Variants in SEC16A observed in about 807,000 individuals in gnomAD.
The protein encoded by SEC16A is SEC16 homolog A, endoplasmic reticulum export factor, also known as protein transport protein Sec16A.
In SEC16A, 110 loss-of-function variants were observed where a neutral mutation model predicts 221.9. The observed-to-expected ratio is 0.50, with a 90% CI of 0.42 to 0.58. The LOEUF is 0.58. Ranked by LOEUF, SEC16A falls within the 20% of genes least tolerant of loss-of-function variation. The pLI is 0.00. For synonymous variants in SEC16A, 1,393 were observed against 1,257.7 expected, an observed-to-expected ratio of 1.11 and a Z score of -2.28; for missense variants, 3,165 against 3,097.8, an observed-to-expected ratio of 1.02 and a Z score of -0.52.
At position 136,466,307 on chromosome 9, in the gene SEC16A, CTG is replaced by C; in HGVS notation, c.4083_4084del (p.His1361GlnfsTer82). On this transcript the variant is annotated frameshift_variant, in exon 7 of 32. Transcript: ENST00000684901. LOFTEE classifies it high-confidence loss of function. This position sits in a 1 kb window ranked among gnomAD's most constrained non-coding sequence, Gnocchi z 5.5. ...GAGGCTGCTGCGGCGGCTGGCCAGG[CTG>C]TGTGCGCTGTGCAGGCTCCGTGCCG... 6.4e-7 allele frequency: 1 copy of C among 1,568,850 alleles called. No individual in the cohort carries two copies. Among genetic ancestry groups the C allele is most frequent in the Non-Finnish European group, 8.6e-7 (1 of 1,157,630 alleles).
In SEC16A at chr9:136,474,511, A is replaced by T. The variant is rs919074042; in HGVS notation, c.3105T>A (p.Pro1035=). 2.5e-6 allele frequency: 4 copies of T among 1,612,818 alleles called. No individual in the cohort carries two copies. In the African/African-American group the frequency reaches 5.3e-5, roughly 22 times the overall value. Residue 1035 remains proline (P), a synonymous_variant, in exon 3 of 32, where the codon CCT becomes CCA. Coordinates refer to ENST00000684901, the MANE Select transcript of SEC16A (RefSeq NM_014866.2). The stretch of plus-strand genomic sequence containing the variant: ...CCTGCTGATAAAAACGGTCAAGGTT[A>T]GGCGCCCCAGGCCCAGATTGTCTGG... ...SHPRQSGPGA[P]NLDRFYQQVT...
chr9:136,477,140 G>A lies in SEC16A; in HGVS notation c.476C>T (p.Pro159Leu). 2 of 1,613,880 alleles carry A rather than the reference G, an allele frequency of 1.2e-6. No individual in the cohort carries two copies. The highest frequency in any genetic ancestry group is 1.7e-6 in the Non-Finnish European group (2 of 1,179,886). ...EPEVQTLPYL[P>L]HYIPGVDPET... ...AGGATCCACTCCTGGAATGTAGTGA[G>A]GAAGATATGGCAGAGTCTGAACTTC... is the stretch of plus-strand genomic sequence containing the variant. Residue 159 changes from proline to leucine, a missense_variant, in exon 3 of 32, where the codon CCT becomes CTT. Pro to Leu is a moderately conservative substitution (Grantham distance 98). Around this residue, in one of 3 missense-constraint regions of SEC16A, gnomAD observed 2,030 missense variants for 1,923.1 expected, o/e 1.06. Coordinates refer to ENST00000684901, the MANE Select transcript of SEC16A (RefSeq NM_014866.2).
chr9:136,481,049 T>C (rs1488356259), intron 1 of SEC16A, among the ~76,000 whole-genome samples: 1 of 152,208 alleles, frequency 6.6e-6, no homozygotes, highest in Non-Finnish European at 1.5e-5. Flanking sequence ...AACTGATTTT[T>C]TTGATCTTTT....
chr9:136,467,120 G>C, intron 5 of SEC16A, 37 bp from the exon 6 acceptor site: 1 of 1,609,978 alleles, frequency 6.2e-7, no homozygotes, highest in Non-Finnish European at 8.5e-7. Context: ...ACAGTAACAT[G>C]CAAAAGAAGA....
intron 20 of SEC16A, among the ~76,000 whole-genome samples, chr9:136,454,568 C>T (rs1838337921): frequency 6.6e-6 from 1 of 152,190 alleles, no homozygotes; most frequent in Non-Finnish European, 1.5e-5. Context: ...GTCACAGCGG[C>T]ACGCGGGCTC....
At position 136,460,234 on chromosome 9, in the gene SEC16A, G is replaced by A; in HGVS notation, c.4992-111C>T. 5 of 775,724 alleles carry A rather than the reference G, an allele frequency of 6.4e-6. No homozygotes were observed. The South Asian group carries it at 6.5e-5, about 10-fold the overall frequency. 48.1% of individuals were successfully genotyped at this position (775,724 alleles called of 1,614,324 possible). ...TCCCAGCACTTTGGGAGGCCAAAGTGGGCGGATCACCTGAGGTCAGAAGTT... is the reference window on the plus strand; with the variant it reads ...TCCCAGCACTTTGGGAGGCCAAAGTAGGCGGATCACCTGAGGTCAGAAGTT... On this transcript the variant is annotated intron_variant, in intron 13 of 31. Transcript: ENST00000684901.
chr9:136,444,528 C>A (rs1254564700), intron 30 of SEC16A, among the ~76,000 whole-genome samples: 1 of 152,156 alleles, frequency 6.6e-6, no homozygotes, highest in Non-Finnish European at 1.5e-5. Flanking sequence ...ATGACAGAAC[C>A]CACTCATTGA....
At chr9:136,449,477 T>C (rs563588294) in intron 23 of SEC16A, among the ~76,000 whole-genome samples, 1 of 152,348 alleles carries the variant, frequency 6.6e-6, no homozygotes, top group Non-Finnish European at 1.5e-5. Context: ...CGTGAACTCC[T>C]GACCTCATGA....
In SEC16A at chr9:136,462,910, G is replaced by A; in HGVS notation, c.4870C>T (p.Leu1624=). Residue 1624 remains leucine, a synonymous_variant, in exon 12 of 32, where the codon CTG becomes TTG. Coordinates refer to ENST00000684901, the MANE Select transcript of SEC16A (RefSeq NM_014866.2). ...ACCTTCTTACGGCCATACAGCAACA[G>A]CTCCCTGAACCTCTCGGTCTCTCTC... The part of the protein sequence containing the change: ...LERETERFRE[L]LLYGRKKDAL... The A allele has an allele frequency of 6.2e-7, 1 of 1,602,092 alleles. No individual in the cohort carries two copies. The highest frequency in any genetic ancestry group is 1.1e-5 in the South Asian group (1 of 91,084).
upstream of SEC16A, chr9:136,484,164 G>A (rs1842736576): frequency 1.1e-5 from 2 of 186,992 alleles, no homozygotes; most frequent in South Asian, 1.4e-4. Context: ...CCGGGGAGGT[G>A]CGGCCTACTC....
rs747435143 is a variant in SEC16A, at chr9:136,474,315, C to T, written c.3301G>A (p.Ala1101Thr). ...CCCGCGTCGACCAGAACCAGACTTG[C>T]TGGTGACTGTGCTGAGTTCTGGGCC... ...GQAQNSAQSP[A>T]SLVLVDAGQQ... Residue 1101 changes from alanine (A) to threonine (T), a missense_variant, in exon 3 of 32, where the codon GCA becomes ACA. Coordinates refer to ENST00000684901, the MANE Select transcript of SEC16A (RefSeq NM_014866.2). The T allele has an allele frequency of 1.9e-6, 3 of 1,611,436 alleles. No individual in the cohort carries two copies. Among genetic ancestry groups the T allele is most frequent in the East Asian group, 2.2e-5 (1 of 44,854 alleles).
chr9:136,478,907 C>G (rs1841984946), intron 1 of SEC16A, among the ~76,000 whole-genome samples, 77 bp from the exon 2 acceptor site: 1 of 152,116 alleles, frequency 6.6e-6, no homozygotes. Context: ...ATATATTCAT[C>G]TAAATGCCTT....
chr9:136,484,475 T>C (rs367626587), upstream of SEC16A: 853 of 1,213,240 alleles, frequency 7.0e-4, 1 homozygote, highest in Middle Eastern at 1.4e-3. Context: ...CCTGCACACC[T>C]GCCTGGCAAG....
At chr9:136,468,375 G>T in intron 5 of SEC16A, 40 bp downstream of exon 5, 1 of 1,334,002 alleles carries the variant, frequency 7.5e-7, no homozygotes, top group South Asian at 1.2e-5. Flanking sequence ...TTTGCACAAG[G>T]CACCTGCTAA....
At chr9:136,457,840 C>A (rs1340043405) in intron 17 of SEC16A, among the ~76,000 whole-genome samples, 2 of 152,264 alleles carry the variant, frequency 1.3e-5, no homozygotes, top group South Asian at 2.1e-4. Flanking sequence ...TGCTTTCCCC[C>A]CAACCCCTTT....
chr9:136,457,341 A>G, intron 18 of SEC16A, 103 bp downstream of exon 18: 1 of 1,317,514 alleles, frequency 7.6e-7, no homozygotes, highest in Middle Eastern at 2.6e-4. Flanking sequence ...GCCTACCACA[A>G]TGCGCGTCTG....
chr9:136,483,901 C>A (rs1387110411), upstream of SEC16A: 1 of 720,594 alleles, frequency 1.4e-6, no homozygotes, highest in African/African-American at 1.9e-5. Flanking sequence ...GGGCACCGAG[C>A]GGCGCCGGAA....
At chr9:136,444,942 A>C (rs1432926893) in intron 30 of SEC16A, 110 bp downstream of exon 30, 1 of 815,396 alleles carries the variant, frequency 1.2e-6, no homozygotes, top group Non-Finnish European at 2.0e-6. Context: ...GAGGGAGACA[A>C]CGGGCGAGGT....
Position 136,475,730 on chromosome 9 carries a change from G to A in SEC16A, c.1886C>T (p.Ala629Val). The A allele has an allele frequency of 6.2e-7, 1 of 1,610,696 alleles. No individual in the cohort carries two copies. The highest frequency in any genetic ancestry group is 8.5e-7 in the Non-Finnish European group (1 of 1,178,474). Residue 629 changes from alanine (A) to valine (V), a missense_variant, in exon 3 of 32, where the codon GCC (alanine) becomes GTC (valine). Ala to Val is a moderately conservative substitution (Grantham distance 64). Coordinates refer to ENST00000684901, the MANE Select transcript of SEC16A (RefSeq NM_014866.2). This position sits in a 1 kb window ranked among gnomAD's most constrained non-coding sequence, Gnocchi z 5.0. ...VGVKPFEADRANVVGEVRETC... is the reference protein window; with the variant it reads ...VGVKPFEADRVNVVGEVRETC... ...CTCCCTTACTTCACCAACCACGTTG[G>A]CGCGATCTGCCTCAAATGGTTTTAC... is the stretch of plus-strand genomic sequence containing the variant.
Sources: gnomAD v4.1 joint callset for allele counts (sites outside exome capture counted in the v4.1 genomes callset) on GRCh38, gnomAD v4.1.1 for gene constraint, gnomAD v4.1.1 regional missense constraint, Gnocchi (gnomAD v3.1) non-coding constraint, MANE v1.5 for transcripts, NCBI Gene and HGNC (gene_info 2026-07-23, HGNC 2026-07-21) for gene names.